The following WNT7B variants were observed in gnomAD, a reference collection of about 807,000 sequenced individuals.
The protein encoded by WNT7B is protein Wnt-7b.
Under a neutral mutation model 38.2 loss-of-function variants are expected in WNT7B, and 19 were observed. That is an observed-to-expected ratio of 0.50 (90% CI 0.35 to 0.73). The LOEUF is 0.73. WNT7B is among the 30% of genes least tolerant of loss of function. The pLI is 0.01. For missense variants in WNT7B, 423 were observed against 507.9 expected (o/e 0.83, Z 1.61); for synonymous variants, 243 against 209.3 (o/e 1.16, Z -1.39).
At chr22:45,948,994 C>A (rs960803251) in intron 2 of WNT7B, among the ~76,000 whole-genome samples, 3 of 151,948 alleles carry the variant, frequency 2.0e-5, no homozygotes, top group Non-Finnish European at 4.4e-5. Context: ...GATTGTCTGG[C>A]TAATTTTTGT....
chr22:45,959,722 T>G (rs1225886244), intron 1 of WNT7B, among the ~76,000 whole-genome samples: 1 of 152,142 alleles, frequency 6.6e-6, no homozygotes, highest in Non-Finnish European at 1.5e-5. Context: ...CGCTCTGGAC[T>G]GGACACCGGC....
At chr22:45,926,846 G>C (rs367649452) in intron 3 of WNT7B, 5 of 985,388 alleles carry the variant, frequency 5.1e-6, no homozygotes, top group Non-Finnish European at 6.0e-6. Context: ...GAGTGTGGAG[G>C]GTGTGCCCCT....
intron 1 of WNT7B, among the ~76,000 whole-genome samples, chr22:45,957,698 A>G (rs1440453221): frequency 1.3e-5 from 2 of 149,822 alleles, no homozygotes; most frequent in Admixed American, 1.3e-4. Flanking sequence ...AAAAAAAAAA[A>G]AAAAAAAAAA....
At chr22:45,949,277 C>A (rs1425530274) in intron 2 of WNT7B, among the ~76,000 whole-genome samples, 1 of 152,194 alleles carries the variant, frequency 6.6e-6, no homozygotes, top group African/African-American at 2.4e-5. Flanking sequence ...CTTGCCAGCC[C>A]ACCTGGCAGG....
At chr22:45,942,890 CGT>C (rs1322940173) in intron 2 of WNT7B, among the ~76,000 whole-genome samples, 3 of 149,688 alleles carry the variant, frequency 2.0e-5, no homozygotes, top group African/African-American at 4.9e-5. Flanking sequence ...CATGTATGTG[CGT>C]GTGTGTGCGC....
At chr22:45,927,343 T>C in intron 3 of WNT7B, 1 of 1,465,336 alleles carries the variant, frequency 6.8e-7, no homozygotes, top group Non-Finnish European at 9.0e-7. Flanking sequence ...GGCCTTGGTC[T>C]GGTAGAAGTG....
At position 45,920,663 on chromosome 22, in the gene WNT7B, GGAAT is replaced by G. The variant is rs1930897005; in HGVS notation, c.*2189_*2192del. ...GGGATGGGATGGGGGGTGGGTATGG[GGAAT>G]AGGGATGAGGGATGGGATGGGGGAT... On this transcript the variant is annotated 3_prime_UTR_variant, in exon 4 of 4. Transcript: ENST00000339464. 1 of 136,826 alleles carries G rather than the reference GGAAT, an allele frequency of 7.3e-6. No individual in the cohort carries two copies. The highest frequency in any genetic ancestry group is 1.6e-5 in the Non-Finnish European group (1 of 62,534). The allele number at this position is 136,826 out of a possible 1,614,324, so 8.5% of individuals were successfully genotyped here. A position where few individuals can be genotyped will look rare whatever the true frequency, so the allele number is the denominator to read the frequency against.
intron 2 of WNT7B, 86 bp downstream of exon 2, chr22:45,949,834 C>T (rs10448591): frequency 0.23 from 304,380 of 1,321,478 alleles, 40,177 homozygotes; most frequent in South Asian, 0.45. Flanking sequence ...TGCAGAACAG[C>T]GGCCTAGGCT....
chr22:45,944,720 G>A (rs564945015), intron 2 of WNT7B, among the ~76,000 whole-genome samples: 5 of 152,248 alleles, frequency 3.3e-5, no homozygotes, highest in South Asian at 4.1e-4. Context: ...CTCACCCATC[G>A]TGTCCTGGGT....
intron 1 of WNT7B, among the ~76,000 whole-genome samples, chr22:45,950,857 C>G (rs1479983536): frequency 6.6e-6 from 1 of 152,212 alleles, no homozygotes; most frequent in Non-Finnish European, 1.5e-5. Flanking sequence ...TGGGTGCACG[C>G]AGAGGAAGAA....
intron 1 of WNT7B, among the ~76,000 whole-genome samples, chr22:45,960,150 A>G (rs1214180120): frequency 1.3e-5 from 2 of 151,972 alleles, no homozygotes; most frequent in African/African-American, 2.4e-5. Context: ...TCCCAGCCCC[A>G]GCCCAGGCTG....
intron 1 of WNT7B, among the ~76,000 whole-genome samples, chr22:45,960,679 G>A (rs1932176234): frequency 2.0e-5 from 3 of 152,258 alleles, no homozygotes; most frequent in South Asian, 2.1e-4. Flanking sequence ...AATATCTGAA[G>A]AATGTTCCAA....
At chr22:45,949,302 T>C (rs1931871097) in intron 2 of WNT7B, among the ~76,000 whole-genome samples, 2 of 152,104 alleles carry the variant, frequency 1.3e-5, no homozygotes, top group African/African-American at 4.8e-5. Flanking sequence ...GGTGATTGCT[T>C]GGTGTCCATC....
intron 3 of WNT7B, among the ~76,000 whole-genome samples, chr22:45,928,253 C>T (rs867919589): frequency 4.1e-4 from 63 of 152,136 alleles, no homozygotes; most frequent in Admixed American, 1.0e-3. Context: ...GGGGCTAGGG[C>T]CCCAGCACCA....
chr22:45,947,700 C>A (rs1338127589), intron 2 of WNT7B, among the ~76,000 whole-genome samples: 1 of 152,150 alleles, frequency 6.6e-6, no homozygotes, highest in Non-Finnish European at 1.5e-5. Flanking sequence ...AAAGTTGACA[C>A]CAGGAAGGTC....
intron 1 of WNT7B, chr22:45,972,591 C>T (rs1932473721): frequency 6.5e-6 from 1 of 154,868 alleles, no homozygotes. Flanking sequence ...GCGCAGCTGC[C>T]ATTGGACGGG....
chr22:45,929,806 A>ACCCACTCATCTATCTC (rs879821707), intron 3 of WNT7B, among the ~76,000 whole-genome samples: 8,225 of 149,254 alleles, frequency 0.055, 259 homozygotes, highest in Middle Eastern at 0.17. Context: ...TCAACCATCT[A>ACCCACTCATCTATCTC]CCCATCCATC....
At chr22:45,967,563 C>G (rs1932339894) in intron 1 of WNT7B, among the ~76,000 whole-genome samples, 1 of 152,138 alleles carries the variant, frequency 6.6e-6, no homozygotes, top group East Asian at 1.9e-4. Context: ...AGCCCTCTAC[C>G]TCATCCAACA....
Position 45,965,407 on chromosome 22 carries a change from C to T in WNT7B, c.71+11277G>A, listed in dbSNP as rs976870109. Among the ~76,000 whole-genome samples, 4 of 152,096 alleles carry T rather than the reference C, an allele frequency of 2.6e-5. No homozygotes were observed. The highest frequency in any genetic ancestry group is 7.2e-5 in the African/African-American group (3 of 41,410). ...CTGGCCAGCCCTGATAACCCACCCG[C>T]GGGGGCTGCCGTCACGCTGTGGGCA... On this transcript the variant is annotated intron_variant, in intron 1 of 3. Coordinates refer to ENST00000339464, the MANE Select transcript of WNT7B (RefSeq NM_058238.3). The surrounding 1 kb of genome is among the most constrained non-coding windows in gnomAD (Gnocchi z 6.5).
Sources: allele counts gnomAD v4.1 joint callset (sites outside exome capture counted in the v4.1 genomes callset), GRCh38; gene constraint gnomAD v4.1.1; non-coding constraint Gnocchi (gnomAD v3.1); transcripts MANE v1.5; gene names NCBI Gene and HGNC (gene_info 2026-07-23, HGNC 2026-07-21).